The following AGBL1 variants were observed in gnomAD, a reference collection of about 807,000 sequenced individuals.
The protein encoded by AGBL1 is AGBL carboxypeptidase 1, also known as cytosolic carboxypeptidase 4.
Under a neutral mutation model 118.9 loss-of-function variants are expected in AGBL1, and 130 were observed. The ratio of observed to expected loss-of-function variants is 1.09; its 90% confidence interval spans 0.95 to 1.26. AGBL1 has a LOEUF of 1.26. AGBL1 is among the 50% of genes most tolerant of loss of function. AGBL1 has a pLI of 0.00. For synonymous variants in AGBL1, 555 were observed against 478.9 expected, an observed-to-expected ratio of 1.16 and a Z score of -2.08; for missense variants, 1,584 against 1,298.1, an observed-to-expected ratio of 1.22 and a Z score of -3.38.
chr15:86,901,924 T>C (rs895036613), intron 22 of AGBL1, among the ~76,000 whole-genome samples: 4 of 152,166 alleles, frequency 2.6e-5, no homozygotes, highest in African/African-American at 9.7e-5. Context: ...AGCAAAACTA[T>C]TAATATCAAT....
chr15:86,532,531 C>T (rs542549655), intron 19 of AGBL1, among the ~76,000 whole-genome samples: 12,921 of 116,606 alleles, frequency 0.11, 2,375 homozygotes, highest in African/African-American at 0.41. Context: ...AATGGCCATA[C>T]TGCCCAAGGT....
chr15:86,703,876 C>T (rs1183547247), intron 22 of AGBL1, among the ~76,000 whole-genome samples: 5 of 152,014 alleles, frequency 3.3e-5, no homozygotes, highest in East Asian at 3.9e-4. Flanking sequence ...ATCATGCTAC[C>T]AGAGTTCAAA....
At chr15:86,440,500 A>AATAATAATAATAATG (rs2082050221) in intron 18 of AGBL1, among the ~76,000 whole-genome samples, 1 of 150,596 alleles carries the variant, frequency 6.6e-6, no homozygotes, top group African/African-American at 2.4e-5. Context: ...TAATAATAAT[A>AATAATAATAATAATG]ATAATAATAA....
chr15:86,633,831 ATGTATATAT>A (rs1471033256), intron 21 of AGBL1, among the ~76,000 whole-genome samples: 1,745 of 11,760 alleles, frequency 0.15, 31 homozygotes, highest in East Asian at 0.48. Context: ...TATATATATA[ATGTATATAT>A]ATATAATGTA....
chr15:87,000,900 T>C (rs1025012178), intron 24 of AGBL1, among the ~76,000 whole-genome samples: 13 of 142,518 alleles, frequency 9.1e-5, no homozygotes, highest in African/African-American at 3.4e-4. Flanking sequence ...CTCTTTTATT[T>C]CCTTGAGCAG....
At chr15:86,728,063 C>G (rs1013699776) in intron 22 of AGBL1, among the ~76,000 whole-genome samples, 8 of 152,148 alleles carry the variant, frequency 5.3e-5, no homozygotes, top group Non-Finnish European at 1.0e-4. Context: ...TACAATGAAC[C>G]TATACAAAAT....
chr15:86,099,443 C>T (rs1437183409), intron 1 of AGBL1, among the ~76,000 whole-genome samples: 2 of 151,612 alleles, frequency 1.3e-5, no homozygotes, highest in Admixed American at 1.3e-4. Flanking sequence ...TTTATCAGCT[C>T]GAAAAGTTTT....
At chr15:86,156,899 C>T (rs111583348) in intron 4 of AGBL1, among the ~76,000 whole-genome samples, 16,372 of 150,054 alleles carry the variant, frequency 0.11, 1,179 homozygotes, top group Middle Eastern at 0.22. Context: ...AAATGATTCT[C>T]GTGCCTTAGC....
At chr15:86,834,031 G>A (rs2079140295) in intron 22 of AGBL1, among the ~76,000 whole-genome samples, 1 of 152,014 alleles carries the variant, frequency 6.6e-6, no homozygotes, top group Admixed American at 6.5e-5. Context: ...TTATGAGCCA[G>A]CAAACAAGAA....
intron 22 of AGBL1, among the ~76,000 whole-genome samples, chr15:86,807,857 T>C (rs180740073): frequency 2.3e-4 from 35 of 152,282 alleles, no homozygotes; most frequent in Non-Finnish European, 3.4e-4. Context: ...TGAGAGATAA[T>C]TGAAGTAAAA....
chr15:86,866,959 G>A (rs2079640439), intron 22 of AGBL1, among the ~76,000 whole-genome samples: 1 of 152,228 alleles, frequency 6.6e-6, no homozygotes, highest in African/African-American at 2.4e-5. Context: ...TAGGCAAGAT[G>A]CAGAACAGAG....
intron 18 of AGBL1, among the ~76,000 whole-genome samples, chr15:86,507,670 T>G (rs2082994233): frequency 6.6e-6 from 1 of 151,918 alleles, no homozygotes; most frequent in Admixed American, 6.6e-5. Flanking sequence ...AACAGAAACT[T>G]GAGAGAGTAA....
At chr15:86,507,333 AT>A (rs2082989884) in intron 18 of AGBL1, among the ~76,000 whole-genome samples, 1 of 152,142 alleles carries the variant, frequency 6.6e-6, no homozygotes, top group Non-Finnish European at 1.5e-5. Context: ...AAAGGAAAAT[AT>A]ACTCAGACCA....
intron 17 of AGBL1, among the ~76,000 whole-genome samples, chr15:86,314,096 T>C (rs1041103449): frequency 2.6e-5 from 4 of 152,216 alleles, no homozygotes; most frequent in Non-Finnish European, 4.4e-5. Flanking sequence ...TCATTCCTGC[T>C]CTCCCTCCTG....
At chr15:86,332,678 C>T (rs1376693563) in intron 17 of AGBL1, among the ~76,000 whole-genome samples, 2 of 149,462 alleles carry the variant, frequency 1.3e-5, no homozygotes. Flanking sequence ...ATTCTGGACT[C>T]AAATTTGACA....
At chr15:86,487,862 C>T (rs957245356) in intron 18 of AGBL1, among the ~76,000 whole-genome samples, 1 of 152,090 alleles carries the variant, frequency 6.6e-6, no homozygotes, top group Admixed American at 6.6e-5. Context: ...CAGAAGCCTG[C>T]ATAATGGAAC....
At chr15:86,962,564 C>CT (rs2081003642) in intron 23 of AGBL1, among the ~76,000 whole-genome samples, 2 of 151,956 alleles carry the variant, frequency 1.3e-5, no homozygotes, top group Non-Finnish European at 2.9e-5. Context: ...AATTTTGCTT[C>CT]ATAAAGCTCT....
intron 8 of AGBL1, among the ~76,000 whole-genome samples, chr15:86,257,337 C>A (rs530690038): frequency 2.0e-5 from 3 of 152,144 alleles, no homozygotes; most frequent in Admixed American, 1.3e-4. Context: ...CGAATCTCTG[C>A]AGCATACTGA....
intron 22 of AGBL1, among the ~76,000 whole-genome samples, chr15:86,704,687 G>C (rs2086417493): frequency 6.6e-6 from 1 of 152,166 alleles, no homozygotes; most frequent in African/African-American, 2.4e-5. Flanking sequence ...GTTGATGGGA[G>C]TGTAAATTAG....
Sources: gnomAD v4.1 joint callset for allele counts (sites outside exome capture counted in the v4.1 genomes callset) on GRCh38, gnomAD v4.1.1 for gene constraint, MANE v1.5 for transcripts, NCBI Gene and HGNC (gene_info 2026-07-23, HGNC 2026-07-21) for gene names.